The following CRELD1 variants were observed in gnomAD, a reference collection of about 807,000 sequenced individuals.
CRELD1 encodes protein disulfide isomerase CRELD1.
Under a neutral mutation model 58.2 loss-of-function variants are expected in CRELD1, and 42 were observed. That is an observed-to-expected ratio of 0.72 (90% CI 0.56 to 0.93). The LOEUF (loss-of-function observed/expected upper bound fraction) is 0.93, where lower values mean the gene tolerates loss of function less well. Ranked by LOEUF, CRELD1 falls within the 40% of genes least tolerant of loss-of-function variation. The pLI is 0.00. For synonymous variants in CRELD1, 222 were observed against 202.0 expected, an observed-to-expected ratio of 1.10 and a Z score of -0.84; for missense variants, 500 against 540.6, an observed-to-expected ratio of 0.92 and a Z score of 0.74.
rs1188358849 is a variant in CRELD1 at position 9,943,931 on chromosome 3, CCT to C, written c.1048+417_1048+418del. 6.0e-6 allele frequency: 9 copies of C among 1,505,376 alleles called. No homozygotes were observed. The highest frequency in any genetic ancestry group is 8.3e-6 in the Non-Finnish European group (9 of 1,080,848). The allele number at this position is 1,505,376 out of a possible 1,614,324, so 93.3% of individuals were successfully genotyped here. On this transcript the variant is annotated intron_variant, in intron 10 of 10. Transcript: ENST00000452070. Reference sequence around the variant, plus strand: ...ATTCCCCATCTTAACTGATTTAACCCCTGAAACAACCCGACGCTGGAAGTTGG... The same window carrying C: ...ATTCCCCATCTTAACTGATTTAACCCGAAACAACCCGACGCTGGAAGTTGG...
intron 5 of CRELD1, among the ~76,000 whole-genome samples, chr3:9,940,440 C>A (rs1280605336): frequency 6.6e-6 from 1 of 152,174 alleles, no homozygotes; most frequent in East Asian, 1.9e-4. Context: ...CCGAGGCTGG[C>A]GGATCACTCG....
Position 9,943,374 on chromosome 3 carries a change from C to T in CRELD1, c.914-7C>T, listed in dbSNP as rs200714636. 6.2e-7 allele frequency: 1 copy of T among 1,613,902 alleles called. No individual in the cohort carries two copies. The highest frequency in any genetic ancestry group is 1.1e-5 in the South Asian group (1 of 91,072). On this transcript the variant is annotated splice_polypyrimidine_tract_variant and splice_region_variant and intron_variant, in intron 9 of 10. Coordinates refer to ENST00000452070, the MANE Select transcript of CRELD1 (RefSeq NM_001077415.3). Reference sequence around the variant, plus strand: ...TAGCAGGACTCTGACCCCTCCCTCCCCTCAAGATGTGGATGAGTGTGAGAC... The same window carrying T: ...TAGCAGGACTCTGACCCCTCCCTCCTCTCAAGATGTGGATGAGTGTGAGAC...
At chr3:9,939,461 T>C (rs1383615857) in intron 5 of CRELD1, among the ~76,000 whole-genome samples, 1 of 152,190 alleles carries the variant, frequency 6.6e-6, no homozygotes, top group Admixed American at 6.5e-5. Context: ...CTGGTTTTCC[T>C]AGGCAGAGGA....
intron 5 of CRELD1, among the ~76,000 whole-genome samples, chr3:9,940,329 G>T (rs957024503): frequency 1.3e-5 from 2 of 152,124 alleles, no homozygotes; most frequent in African/African-American, 4.8e-5. Context: ...CTGGGAGGTG[G>T]AGGTTGTAGC....
chr3:9,934,373 G>A, intron 1 of CRELD1, 47 bp from the exon 2 acceptor site: 1 of 1,424,080 alleles, frequency 7.0e-7, no homozygotes, highest in Non-Finnish European at 9.9e-7. Flanking sequence ...TTTCTCGCGT[G>A]GGGCCTGACT....
At position 9,933,895 on chromosome 3, in the gene CRELD1, T is replaced by G. The variant is rs972120018; in HGVS notation, c.-45T>G. 2 of 445,782 alleles carry G rather than the reference T, an allele frequency of 4.5e-6. No individual in the cohort carries two copies. The highest frequency in any genetic ancestry group is 8.0e-6 in the Non-Finnish European group (2 of 248,714). The allele number at this position is 445,782 out of a possible 1,614,324, so 27.6% of individuals were successfully genotyped here. A position where few individuals can be genotyped will look rare whatever the true frequency, so the allele number is the denominator to read the frequency against. On this transcript the variant is annotated 5_prime_UTR_variant, in exon 1 of 11. Coordinates refer to ENST00000452070, the MANE Select transcript of CRELD1 (RefSeq NM_001077415.3). ...GGCGCCCGCGGGCTGGGGCGGTCGC[T>G]TCTTCCTTCTCCGTGGCCTACGAGG... is the stretch of plus-strand genomic sequence containing the variant.
In CRELD1 at chr3:9,944,609, C is replaced by T. The variant is rs530945565; in HGVS notation, c.*30C>T. 13 of 1,558,404 alleles carry T rather than the reference C, an allele frequency of 8.3e-6. No homozygotes were observed. The highest frequency in any genetic ancestry group is 1.1e-5 in the South Asian group (1 of 87,812). The stretch of plus-strand genomic sequence containing the variant: ...GGCCACCACCTGTAGGACCTCCTCC[C>T]ACCCACGCTGCCCCCAGAGCTTGGG... On this transcript the variant is annotated 3_prime_UTR_variant, in exon 11 of 11. Coordinates refer to ENST00000452070, the MANE Select transcript of CRELD1 (RefSeq NM_001077415.3).
Position 9,934,679 on chromosome 3 carries a change from A to T in CRELD1, c.174+67A>T, listed in dbSNP as rs533312479. On this transcript the variant is annotated intron_variant, in intron 2 of 10. Transcript: ENST00000452070. ...TTAGAGTGGGGAACTCTGGGATGCA[A>T]ATCTGCGTGGATTTAAGTTTCATCT... The T allele has an allele frequency of 7.1e-5, 113 of 1,580,582 alleles. No homozygotes were observed. In the Admixed American group the frequency reaches 9.8e-4, roughly 14 times the overall value.
rs765033469 is a variant in CRELD1, at chr3:9,934,485, G to A, written c.47G>A (p.Gly16Asp). Reference protein sequence around the residue: ...PKGLVPAMLWGLSLFLNLPGP... With the variant: ...PKGLVPAMLWDLSLFLNLPGP... ...GGCCTAGTCCCAGCTATGCTCTGGGGCCTCAGCCTCTTCCTCAACCTCCCA... is the reference window on the plus strand; with the variant it reads ...GGCCTAGTCCCAGCTATGCTCTGGGACCTCAGCCTCTTCCTCAACCTCCCA... The change falls in exon 2 of 11, where the codon GGC (glycine) becomes GAC (aspartate). Residue 16 changes from glycine to aspartate, a missense_variant. Transcript: ENST00000452070. 35 of 1,613,528 alleles carry A rather than the reference G, an allele frequency of 2.2e-5. No homozygotes were observed. The highest frequency in any genetic ancestry group is 3.0e-5 in the Non-Finnish European group (35 of 1,179,774).
intron 5 of CRELD1, 120 bp from the exon 6 acceptor site, chr3:9,940,730 G>GGGGGA: frequency 1.5e-6 from 1 of 658,028 alleles, no homozygotes; most frequent in East Asian, 2.9e-5. Context: ...GAAAGGGGGA[G>GGGGGA]GGGGAGGGGA....
chr3:9,935,019 A>G (rs1297501796), intron 3 of CRELD1, 102 bp downstream of exon 3: 7 of 936,652 alleles, frequency 7.5e-6, no homozygotes, highest in Non-Finnish European at 1.1e-5. Context: ...TATTCATTCA[A>G]CAAATAGCAC....
At position 9,941,019 on chromosome 3, in the gene CRELD1, A is replaced by G. The variant is rs758301186; in HGVS notation, c.630A>G (p.Val210=). Residue 210 remains valine (V), a synonymous_variant, in exon 6 of 11, where the codon GTA becomes GTG. Transcript: ENST00000452070. ...FEAERNASHL[V]CSACFGPCAR... is the part of the protein sequence containing the mutation. ...CAGAACGCAACGCCAGCCATCTGGT[A>G]TGTTCGGGTAGGTAGCCAAAAGGTG... The G allele has an allele frequency of 5.0e-6, 8 of 1,614,170 alleles. No individual in the cohort carries two copies. Among genetic ancestry groups the G allele is most frequent in the Non-Finnish European group, 6.8e-6 (8 of 1,180,024 alleles).
intron 5 of CRELD1, among the ~76,000 whole-genome samples, chr3:9,939,298 T>C (rs1261297886): frequency 6.6e-6 from 1 of 152,254 alleles, no homozygotes; most frequent in Non-Finnish European, 1.5e-5. Flanking sequence ...AAATGTTTAC[T>C]GATATGCAGA....
At chr3:9,940,049 G>C (rs1559336886) in intron 5 of CRELD1, among the ~76,000 whole-genome samples, 3 of 151,454 alleles carry the variant, frequency 2.0e-5, no homozygotes, top group Non-Finnish European at 4.4e-5. Context: ...CGGGCGGAGG[G>C]GCTCCTCACT....
At chr3:9,942,681 T>G in intron 7 of CRELD1, 132 bp from the exon 8 acceptor site, 1 of 770,368 alleles carries the variant, frequency 1.3e-6, no homozygotes, top group Non-Finnish European at 2.3e-6. Context: ...CTAGTCTGCT[T>G]CTGTGTTGGT....
At position 9,937,537 on chromosome 3, in the gene CRELD1, C is replaced by T. The variant is rs758755877; in HGVS notation, c.258-25C>T. The T allele has an allele frequency of 2.6e-6, 4 of 1,531,150 alleles. 1 individual carries two copies. In the South Asian group the frequency reaches 4.6e-5, roughly 18 times the overall value. 94.8% of individuals were successfully genotyped at this position (1,531,150 alleles called of 1,614,324 possible). Reference sequence around the variant, plus strand: ...GGTGGGTGGGGTGGGGCATGTTTCCCACCAGCCCTGCCCTGTCCGATCAGT... The same window carrying T: ...GGTGGGTGGGGTGGGGCATGTTTCCTACCAGCCCTGCCCTGTCCGATCAGT... On this transcript the variant is annotated intron_variant, in intron 3 of 10. Transcript: ENST00000452070.
At chr3:9,940,708 G>A (rs952259657) in intron 5 of CRELD1, 142 bp from the exon 6 acceptor site, 8 of 626,638 alleles carry the variant, frequency 1.3e-5, no homozygotes, top group African/African-American at 1.2e-4. Flanking sequence ...AGGCCATGGG[G>A]AGAGGGAGAG....
chr3:9,944,195 A>C (rs757642627), intron 10 of CRELD1, 170 bp from the exon 11 acceptor site: 2 of 795,218 alleles, frequency 2.5e-6, no homozygotes, highest in South Asian at 2.7e-5. Flanking sequence ...TGAGACAGGG[A>C]TGGTAACTGC....
chr3:9,943,859 G>C, intron 10 of CRELD1: 5 of 1,613,974 alleles, frequency 3.1e-6, no homozygotes, highest in Non-Finnish European at 4.2e-6. Context: ...GATGATGGCA[G>C]GGACCATTTC....
Sources: gnomAD v4.1 joint callset for allele counts (sites outside exome capture counted in the v4.1 genomes callset) on GRCh38, gnomAD v4.1.1 for gene constraint, MANE v1.5 for transcripts, NCBI Gene and HGNC (gene_info 2026-07-23, HGNC 2026-07-21) for gene names.